Variants in IPCEF1 observed in about 807,000 individuals in gnomAD.
IPCEF1 encodes the protein interaction protein for cytohesin exchange factors 1.
Under a neutral mutation model 50.9 loss-of-function variants are expected in IPCEF1, and 31 were observed. That is an observed-to-expected ratio of 0.61 (90% confidence interval 0.46 to 0.82). IPCEF1 has a LOEUF of 0.82. IPCEF1 is among the 40% of genes least tolerant of loss of function. The probability of loss-of-function intolerance (pLI) is 0.00; values close to 1 mark genes in which losing one functional copy is unlikely to be tolerated. For synonymous variants in IPCEF1, 181 were observed against 192.0 expected (o/e 0.94, Z 0.47); for missense variants, 458 against 514.0 (o/e 0.89, Z 1.05).
chr6:154,354,421 A>ACCCCCACCT (rs1784172508), intron 1 of IPCEF1, among the ~76,000 whole-genome samples: 1 of 148,758 alleles, frequency 6.7e-6, no homozygotes, highest in Non-Finnish European at 1.5e-5. Context: ...CACCACCTCC[A>ACCCCCACCT]CCACCACCTC....
chr6:154,281,476 T>C (rs1782209939), intron 2 of IPCEF1, among the ~76,000 whole-genome samples: 1 of 152,118 alleles, frequency 6.6e-6, no homozygotes, highest in Non-Finnish European at 1.5e-5. Flanking sequence ...CAGTGAGCCA[T>C]ACTGCACTCT....
intron 3 of IPCEF1, among the ~76,000 whole-genome samples, chr6:154,252,796 A>T (rs955276693): frequency 6.6e-6 from 1 of 152,204 alleles, no homozygotes; most frequent in Non-Finnish European, 1.5e-5. Context: ...ATGAGTGGGA[A>T]TTGAAGAAAT....
At chr6:154,282,296 A>AC (rs1782236409) in intron 2 of IPCEF1, among the ~76,000 whole-genome samples, 2 of 152,154 alleles carry the variant, frequency 1.3e-5, no homozygotes, top group Admixed American at 1.3e-4. Context: ...AAACCAAGAA[A>AC]CCAGTTAAGA....
chr6:154,170,414 T>G (rs1799780060), intron 10 of IPCEF1, among the ~76,000 whole-genome samples: 1 of 152,030 alleles, frequency 6.6e-6, no homozygotes, highest in Non-Finnish European at 1.5e-5. Context: ...TGCCTTAGAG[T>G]TTACTCCTCT....
At chr6:154,276,424 A>G (rs752130434) in intron 2 of IPCEF1, among the ~76,000 whole-genome samples, 1 of 152,204 alleles carries the variant, frequency 6.6e-6, no homozygotes, top group Non-Finnish European at 1.5e-5. Flanking sequence ...AAACTACTGT[A>G]TATAATCATG....
intron 3 of IPCEF1, among the ~76,000 whole-genome samples, chr6:154,265,054 G>A (rs1228320326): frequency 6.6e-6 from 1 of 152,070 alleles, no homozygotes; most frequent in Non-Finnish European, 1.5e-5. Context: ...TCCATCATGA[G>A]GTCATTAGAT....
intron 10 of IPCEF1, among the ~76,000 whole-genome samples, chr6:154,181,367 A>G (rs12207740): frequency 0.082 from 12,423 of 152,234 alleles, 992 homozygotes; most frequent in East Asian, 0.43. Context: ...TTATTTCATT[A>G]TCTTTTAACA....
At chr6:154,329,970 A>G (rs1038022114) in intron 1 of IPCEF1, 3 of 152,414 alleles carry the variant, frequency 2.0e-5, no homozygotes, top group Admixed American at 6.5e-5. Context: ...ACTTCTTACT[A>G]GTTTGTAGCT....
At chr6:154,230,293 T>C (rs1200498886) in intron 5 of IPCEF1, among the ~76,000 whole-genome samples, 1 of 152,184 alleles carries the variant, frequency 6.6e-6, no homozygotes, top group East Asian at 1.9e-4. Context: ...GGGATATTGA[T>C]AATGGGGAGG....
At chr6:154,234,608 G>A (rs964572412) in intron 5 of IPCEF1, among the ~76,000 whole-genome samples, 9 of 152,198 alleles carry the variant, frequency 5.9e-5, no homozygotes, top group East Asian at 1.9e-4. Context: ...ATCACATTAC[G>A]TCATATTTAG....
At chr6:154,336,884 G>GTT (rs1783799589) in intron 1 of IPCEF1, among the ~76,000 whole-genome samples, 1 of 152,172 alleles carries the variant, frequency 6.6e-6, no homozygotes, top group African/African-American at 2.4e-5. Context: ...GACTACAGGC[G>GTT]TGATCAATCA....
intron 1 of IPCEF1, among the ~76,000 whole-genome samples, chr6:154,333,728 T>C (rs1422844015): frequency 6.6e-6 from 1 of 151,494 alleles, no homozygotes; most frequent in Non-Finnish European, 1.5e-5. Flanking sequence ...TGTATGTATA[T>C]ATGTGTATGT....
At chr6:154,213,642 G>A (rs1429628980) in intron 8 of IPCEF1, among the ~76,000 whole-genome samples, 1 of 152,242 alleles carries the variant, frequency 6.6e-6, no homozygotes, top group East Asian at 1.9e-4. Context: ...AAGACTATGA[G>A]TTCAGTGGCC....
chr6:154,230,034 G>A (rs565175332), intron 5 of IPCEF1, among the ~76,000 whole-genome samples: 2 of 152,270 alleles, frequency 1.3e-5, no homozygotes, highest in South Asian at 4.1e-4. Flanking sequence ...GAGACAGAAA[G>A]CAGGACGGTG....
At chr6:154,349,562 G>A (rs2499635) in intron 1 of IPCEF1, among the ~76,000 whole-genome samples, 49,971 of 151,714 alleles carry the variant, frequency 0.33, 9,135 homozygotes, top group Middle Eastern at 0.45. Flanking sequence ...TTATAGGCAT[G>A]AGCCACTGTG....
At chr6:154,261,238 G>T (rs553351283) in intron 3 of IPCEF1, among the ~76,000 whole-genome samples, 1 of 152,040 alleles carries the variant, frequency 6.6e-6, no homozygotes, top group South Asian at 2.1e-4. Context: ...GTTGCCCAGG[G>T]CTGGTCTCGA....
chr6:154,348,981 G>A lies in IPCEF1; in HGVS notation c.-62+7691C>T, dbSNP rs561170808. On this transcript the variant is annotated intron_variant, in intron 1 of 11. Transcript: ENST00000367220. ...ATGCATGGTTTTCATGTTTACAGCC[G>A]TTTGCTTAGTTTTTCAAATAATTAA... Among the ~76,000 whole-genome samples, 23 of 152,162 alleles carry A rather than the reference G, an allele frequency of 1.5e-4. No homozygotes were observed. The South Asian group carries it at 3.3e-3, about 22-fold the overall frequency.
At chr6:154,347,142 A>G (rs1784046102) in intron 1 of IPCEF1, among the ~76,000 whole-genome samples, 1 of 152,172 alleles carries the variant, frequency 6.6e-6, no homozygotes, top group South Asian at 2.1e-4. Context: ...GTTGGATTAT[A>G]CACATTCTCA....
intron 1 of IPCEF1, among the ~76,000 whole-genome samples, chr6:154,319,002 T>C (rs528043309): frequency 2.0e-5 from 3 of 152,326 alleles, no homozygotes; most frequent in African/African-American, 7.2e-5. Context: ...AGATAAGCTA[T>C]GATTCCATAG....
Sources: allele counts gnomAD v4.1 joint callset (sites outside exome capture counted in the v4.1 genomes callset), GRCh38; gene constraint gnomAD v4.1.1; transcripts MANE v1.5; gene names NCBI Gene and HGNC (gene_info 2026-07-23, HGNC 2026-07-21).